The following CDH2 variants were observed in gnomAD, a reference collection of about 807,000 sequenced individuals.
CDH2 encodes the protein cadherin 2.
In CDH2, 17 loss-of-function variants were observed where a neutral mutation model predicts 92.0. The observed-to-expected ratio is 0.18, with a 90% CI of 0.13 to 0.28. CDH2 has a LOEUF of 0.28. Among genes scored for constraint, CDH2 ranks in the 10% least tolerant of loss-of-function variants. The pLI is 1.00. For synonymous variants in CDH2, 419 were observed against 415.9 expected (o/e 1.01, Z -0.09); for missense variants, 862 against 1,133.1 (o/e 0.76, Z 3.44).
In CDH2 at chr18:27,983,056, A is replaced by G. The variant is rs201266897; in HGVS notation, c.2237T>C (p.Met746Thr). The G allele has an allele frequency of 5.6e-6, 9 of 1,613,110 alleles. No homozygotes were observed. Among genetic ancestry groups the G allele is most frequent in the Non-Finnish European group, 7.6e-6 (9 of 1,179,368 alleles). The change falls in exon 14 of 16, where the codon ATG (methionine) becomes ACG (threonine). Residue 746 changes from methionine to threonine, a missense_variant. Around this residue, in one of 5 missense-constraint regions of CDH2, gnomAD observed 564 missense variants for 722.2 expected, o/e 0.78. Transcript: ENST00000269141. ...CTGGCGTTCTTTATCCCGGCGTTTCATCCATACCACAAACATCAGCACAAG... is the reference window on the plus strand; with the variant it reads ...CTGGCGTTCTTTATCCCGGCGTTTCGTCCATACCACAAACATCAGCACAAG... ...LILVLMFVVW[M>T]KRRDKERQAK... is the part of the protein sequence containing the mutation.
Position 28,177,069 on chromosome 18 carries a change from CGGCGGCGGCGGCGGA to C in CDH2, c.-62_-48del, listed in dbSNP as rs932280800. On this transcript the variant is annotated 5_prime_UTR_variant, in exon 1 of 16. Coordinates refer to ENST00000269141, the MANE Select transcript of CDH2 (RefSeq NM_001792.5). ...GAAGAGCCGGAGGAGGCGGCGGCGG[CGGCGGCGGCGGCGGA>C]GGAGGAGGAGGCAGCGGCAGCACCA... 1.3e-5 allele frequency: 17 copies of C among 1,359,978 alleles called. No homozygotes were observed. The highest frequency in any genetic ancestry group is 9.2e-5 in the African/African-American group (6 of 65,274). 84.2% of individuals were successfully genotyped at this position (1,359,978 alleles called of 1,614,324 possible). A position where few individuals can be genotyped will look rare whatever the true frequency, so the allele number is the denominator to read the frequency against.
chr18:28,154,415 TCA>T (rs2016175820), intron 1 of CDH2, among the ~76,000 whole-genome samples: 1 of 152,224 alleles, frequency 6.6e-6, no homozygotes, highest in South Asian at 2.1e-4. Flanking sequence ...CACAATCAGC[TCA>T]CCTATCTTGA....
intron 2 of CDH2, among the ~76,000 whole-genome samples, chr18:28,142,858 G>T (rs576974868): frequency 1.9e-4 from 29 of 151,994 alleles, no homozygotes; most frequent in Non-Finnish European, 3.4e-4. Flanking sequence ...CTCATTAACA[G>T]ATAATTCAAG....
intron 2 of CDH2, among the ~76,000 whole-genome samples, chr18:28,120,411 T>G (rs1028706821): frequency 1.3e-5 from 2 of 152,110 alleles, no homozygotes; most frequent in Admixed American, 1.3e-4. Flanking sequence ...AGAACTTGAC[T>G]AAAGAAATCA....
At chr18:27,993,751 G>T (rs2012499638) in intron 7 of CDH2, 114 bp from the exon 8 acceptor site, 1 of 787,400 alleles carries the variant, frequency 1.3e-6, no homozygotes, top group Non-Finnish European at 2.0e-6. Flanking sequence ...CATTCATTCT[G>T]ATTAACATGA....
intron 1 of CDH2, among the ~76,000 whole-genome samples, chr18:28,154,685 A>G: frequency 6.6e-6 from 1 of 152,240 alleles, no homozygotes; most frequent in East Asian, 1.9e-4. Flanking sequence ...TCTTTTTCAT[A>G]GTCATCCTTG....
At chr18:27,990,053 G>C in intron 10 of CDH2, 44 bp downstream of exon 10, 1 of 1,573,894 alleles carries the variant, frequency 6.4e-7, no homozygotes, top group South Asian at 1.1e-5. Flanking sequence ...GCACAGCATA[G>C]AACATAAGTA....
intron 10 of CDH2, among the ~76,000 whole-genome samples, chr18:27,989,036 G>C (rs571322400): frequency 6.6e-6 from 1 of 152,304 alleles, no homozygotes; most frequent in Admixed American, 6.5e-5. Flanking sequence ...TAGTCTCAAT[G>C]TACAGGAGTT....
chr18:28,154,157 A>T (rs1459033956), intron 1 of CDH2, among the ~76,000 whole-genome samples: 3 of 152,258 alleles, frequency 2.0e-5, no homozygotes, highest in Admixed American at 6.5e-5. Flanking sequence ...AACAAAAAGG[A>T]ATACAGAAAC....
At chr18:28,085,024 A>G (rs1237544962) in intron 2 of CDH2, among the ~76,000 whole-genome samples, 1 of 152,038 alleles carries the variant, frequency 6.6e-6, no homozygotes, top group Non-Finnish European at 1.5e-5. Context: ...TTCTATCTAA[A>G]ATATATTATA....
intron 2 of CDH2, among the ~76,000 whole-genome samples, chr18:28,133,316 G>T (rs1405267845): frequency 1.3e-5 from 2 of 152,080 alleles, no homozygotes; most frequent in Non-Finnish European, 2.9e-5. Context: ...GGGCGTGATG[G>T]CTCATGCCTG....
In CDH2 at chr18:27,976,556, T is replaced by C. The variant is rs543562907; in HGVS notation, c.2349+6388A>G. Among the ~76,000 whole-genome samples the C allele has an allele frequency of 9.8e-5, 15 of 152,334 alleles. No homozygotes were observed. The South Asian group carries it at 3.1e-3, about 32-fold the overall frequency. On this transcript the variant is annotated intron_variant, in intron 14 of 15. Coordinates refer to ENST00000269141, the MANE Select transcript of CDH2 (RefSeq NM_001792.5). ...ATGGTATAAGATATGATAGACACCA[T>C]TTTCTTTGCACTGAGGCAGACAAAG...
intron 14 of CDH2, among the ~76,000 whole-genome samples, chr18:27,965,170 CA>C (rs890279624): frequency 3.3e-5 from 5 of 152,160 alleles, no homozygotes; most frequent in African/African-American, 1.2e-4. Context: ...GAATCAAAAC[CA>C]TGAGTGTCTG....
chr18:28,146,327 G>A (rs2016034454), intron 2 of CDH2: 1 of 151,824 alleles, frequency 6.6e-6, no homozygotes, highest in South Asian at 2.1e-4. Flanking sequence ...CAAGTTCTAG[G>A]GTGCCAAGTA....
intron 15 of CDH2, among the ~76,000 whole-genome samples, chr18:27,957,133 C>CCCAT (rs6146242): frequency 0.018 from 2,706 of 151,468 alleles, 71 homozygotes; most frequent in African/African-American, 0.061. Context: ...ATCCATCCAT[C>CCCAT]CCATCCATCC....
intron 6 of CDH2, among the ~76,000 whole-genome samples, chr18:27,945,557 A>G (rs1185606397): frequency 6.6e-6 from 1 of 152,092 alleles, no homozygotes; most frequent in Non-Finnish European, 1.5e-5. Flanking sequence ...CCAGTAAGGA[A>G]AAAACTTTTA....
intron 2 of CDH2, among the ~76,000 whole-genome samples, chr18:28,142,137 A>T (rs2015963584): frequency 6.6e-6 from 1 of 152,048 alleles, no homozygotes; most frequent in Admixed American, 6.6e-5. Flanking sequence ...GCCTAAAAGG[A>T]TAAAGAGTAA....
At chr18:28,026,181 AAAT>A (rs1449923137) in intron 2 of CDH2, among the ~76,000 whole-genome samples, 1 of 152,176 alleles carries the variant, frequency 6.6e-6, no homozygotes, top group Non-Finnish European at 1.5e-5. Context: ...CATTTCAACA[AAAT>A]AATGTCATTT....
intron 6 of CDH2, among the ~76,000 whole-genome samples, chr18:27,937,260 A>T (rs1346501434): frequency 6.6e-6 from 1 of 152,246 alleles, no homozygotes; most frequent in East Asian, 1.9e-4. Context: ...TAATTAAAAT[A>T]AAGACATTTA....
Sources: allele counts gnomAD v4.1 joint callset (sites outside exome capture counted in the v4.1 genomes callset), GRCh38; gene constraint gnomAD v4.1.1; regional missense constraint gnomAD v4.1.1; transcripts MANE v1.5; gene names NCBI Gene and HGNC (gene_info 2026-07-23, HGNC 2026-07-21).